Variants in KIAA1217 observed in about 807,000 individuals in gnomAD.
KIAA1217 encodes KIAA1217, also known as sickle tail protein homolog.
A neutral mutation model predicts 163.9 loss-of-function variants in KIAA1217; 88 were observed. That is an observed-to-expected ratio of 0.54 (90% CI 0.45 to 0.64). KIAA1217 has a LOEUF of 0.64. Ranked by LOEUF, KIAA1217 falls within the 30% of genes least tolerant of loss-of-function variation. The pLI is 0.00. For missense variants in KIAA1217, 2,372 were observed against 2,475.0 expected, an observed-to-expected ratio of 0.96 and a Z score of 0.88; for synonymous variants, 903 against 923.1, an observed-to-expected ratio of 0.98 and a Z score of 0.39.
Position 23,708,384 on chromosome 10 carries a change from G to T in KIAA1217, c.-321+13150G>T, listed in dbSNP as rs186518828. 2.0e-3 allele frequency among the ~76,000 whole-genome samples: 302 copies of T among 152,304 alleles called. 1 individual carries two copies. The highest frequency in any genetic ancestry group is 3.0e-3 in the Non-Finnish European group (204 of 68,018). Reference sequence around the variant, plus strand: ...AGAAGGAGGGTACACACATCTGTCTGGTCCAATCCCCTAATTTTACAGGTG... The same window carrying T: ...AGAAGGAGGGTACACACATCTGTCTTGTCCAATCCCCTAATTTTACAGGTG... On this transcript the variant is annotated intron_variant, in intron 1 of 18. Transcript: ENST00000376462.
At chr10:24,041,601 G>GCT (rs1217633429) in intron 2 of KIAA1217, among the ~76,000 whole-genome samples, 2 of 151,862 alleles carry the variant, frequency 1.3e-5, no homozygotes, top group African/African-American at 4.8e-5. Context: ...TCAGTTAGTC[G>GCT]GTACCCTATG....
chr10:23,866,467 T>A (rs1363278053), intron 1 of KIAA1217, among the ~76,000 whole-genome samples: 1 of 152,170 alleles, frequency 6.6e-6, no homozygotes, highest in African/African-American at 2.4e-5. Context: ...ACCCACAATT[T>A]ATTATACGAA....
intron 2 of KIAA1217, among the ~76,000 whole-genome samples, chr10:24,160,042 G>T (rs1057271695): frequency 6.6e-6 from 1 of 152,050 alleles, no homozygotes; most frequent in African/African-American, 2.4e-5. Context: ...TATGTTTCTG[G>T]ATTCTCTAGT....
chr10:24,107,270 T>C (rs1489109871), intron 2 of KIAA1217, among the ~76,000 whole-genome samples: 2 of 152,240 alleles, frequency 1.3e-5, no homozygotes, highest in Admixed American at 6.5e-5. Context: ...TGCATTTCTT[T>C]ATCCAGTTCA....
At chr10:23,920,849 G>C (rs910725175) in intron 1 of KIAA1217, among the ~76,000 whole-genome samples, 2 of 152,122 alleles carry the variant, frequency 1.3e-5, no homozygotes, top group African/African-American at 4.8e-5. Context: ...GGGACACAGT[G>C]AGAGGTAATT....
chr10:23,827,305 C>T (rs1837939963), intron 1 of KIAA1217, among the ~76,000 whole-genome samples: 1 of 152,144 alleles, frequency 6.6e-6, no homozygotes, highest in Admixed American at 6.5e-5. Context: ...TAAGGAAGAG[C>T]CTGAAAAACT....
intron 1 of KIAA1217, among the ~76,000 whole-genome samples, chr10:23,931,261 G>C (rs984197374): frequency 2.0e-5 from 3 of 152,040 alleles, no homozygotes; most frequent in African/African-American, 7.3e-5. Flanking sequence ...CCATTTCATG[G>C]ATAAACAAAC....
At chr10:24,526,249 C>T (rs1350481607) in intron 13 of KIAA1217, among the ~76,000 whole-genome samples, 2 of 152,030 alleles carry the variant, frequency 1.3e-5, no homozygotes, top group South Asian at 2.1e-4. Flanking sequence ...GTCGCAGCCT[C>T]GGGGCCTCTG....
intron 2 of KIAA1217, among the ~76,000 whole-genome samples, chr10:24,022,158 A>G (rs1847759439): frequency 6.6e-6 from 1 of 151,698 alleles, no homozygotes; most frequent in Admixed American, 6.6e-5. Flanking sequence ...CTAGAATGAA[A>G]AGACAAGCCA....
chr10:23,915,857 G>A (rs1564529980), intron 1 of KIAA1217, among the ~76,000 whole-genome samples: 1 of 152,142 alleles, frequency 6.6e-6, no homozygotes, highest in East Asian at 1.9e-4. Flanking sequence ...CTCGTAGACA[G>A]TATCTGCTTT....
Position 24,302,138 on chromosome 10 carries a change from A to G in KIAA1217, c.355-78731A>G, listed in dbSNP as rs2041435448. On this transcript the variant is annotated intron_variant, in intron 2 of 20. Coordinates refer to ENST00000376454, the MANE Select transcript of KIAA1217 (RefSeq NM_019590.5). The stretch of plus-strand genomic sequence containing the variant: ...ATGGTCCAGTGGTGGCAGGTTGGAC[A>G]GGAGAACCACTACCATTTGTAAAAA... 3.3e-5 allele frequency among the ~76,000 whole-genome samples: 5 copies of G among 152,352 alleles called. No homozygotes were observed. The South Asian group carries it at 1.0e-3, about 32-fold the overall frequency.
chr10:24,247,124 C>CTTTT (rs10648557), intron 2 of KIAA1217, among the ~76,000 whole-genome samples: 6 of 138,308 alleles, frequency 4.3e-5, no homozygotes, highest in East Asian at 4.2e-4. Context: ...ATTTTCTTTT[C>CTTTT]TTTTTTTTTT....
chr10:24,281,853 C>G (rs116371313), intron 2 of KIAA1217, among the ~76,000 whole-genome samples: 2 of 152,004 alleles, frequency 1.3e-5, no homozygotes, highest in African/African-American at 2.4e-5. Context: ...GAGGTCAGAT[C>G]GAGACCAGCA....
chr10:24,250,855 C>CGA (rs1221364044), intron 2 of KIAA1217, among the ~76,000 whole-genome samples: 1 of 150,082 alleles, frequency 6.7e-6, no homozygotes, highest in Non-Finnish European at 1.5e-5. Context: ...TTAAGGAGGT[C>CGA]GAGAGAGCAG....
At chr10:24,307,612 C>T (rs1219006414) in intron 2 of KIAA1217, among the ~76,000 whole-genome samples, 1 of 117,808 alleles carries the variant, frequency 8.5e-6, no homozygotes. Flanking sequence ...CCCATCTCTC[C>T]AAAAAAAAAA....
intron 1 of KIAA1217, among the ~76,000 whole-genome samples, chr10:23,820,050 A>G (rs1837546867): frequency 6.6e-6 from 1 of 152,254 alleles, no homozygotes; most frequent in Non-Finnish European, 1.5e-5. Context: ...AATACAGAGT[A>G]TCTGGTATAT....
At chr10:24,377,042 A>G (rs1435038963) in intron 2 of KIAA1217, among the ~76,000 whole-genome samples, 3 of 152,180 alleles carry the variant, frequency 2.0e-5, no homozygotes, top group Non-Finnish European at 4.4e-5. Context: ...TATAGGGTCA[A>G]TCACAGATGC....
chr10:23,792,960 G>A (rs1293936027), intron 1 of KIAA1217, among the ~76,000 whole-genome samples: 2 of 149,410 alleles, frequency 1.3e-5, no homozygotes, highest in East Asian at 2.0e-4. Context: ...GTCTTCATTC[G>A]CCATTTTTCA....
chr10:23,915,353 G>A (rs1034407209), intron 1 of KIAA1217, among the ~76,000 whole-genome samples: 1 of 152,126 alleles, frequency 6.6e-6, no homozygotes, highest in Non-Finnish European at 1.5e-5. Flanking sequence ...TGAGGGAGAT[G>A]TGGGGGGGAG....
Sources: gnomAD v4.1 joint callset for allele counts (sites outside exome capture counted in the v4.1 genomes callset) on GRCh38, gnomAD v4.1.1 for gene constraint, MANE v1.5 for transcripts, NCBI Gene and HGNC (gene_info 2026-07-23, HGNC 2026-07-21) for gene names.